Variants in GRIK5 observed in about 807,000 individuals in gnomAD.
The protein encoded by GRIK5 is glutamate receptor ionotropic, kainate 5.
In GRIK5, 43 loss-of-function variants were observed where a neutral mutation model predicts 97.4. The ratio of observed to expected loss-of-function variants is 0.44; its 90% CI spans 0.35 to 0.57. The LOEUF is 0.57. GRIK5 is among the 20% of genes least tolerant of loss of function. The probability of loss-of-function intolerance (pLI) is 0.01; values close to 1 mark genes in which losing one functional copy is unlikely to be tolerated. For synonymous variants in GRIK5, 580 were observed against 583.5 expected (o/e 0.99, Z 0.09); for missense variants, 1,015 against 1,382.0 (o/e 0.73, Z 4.21).
Position 42,022,145 on chromosome 19 carries a change from C to G in GRIK5, c.1588-89G>C. 7.2e-7 allele frequency: 1 copy of G among 1,389,292 alleles called. No individual in the cohort carries two copies. The highest frequency in any genetic ancestry group is 1.0e-6 in the Non-Finnish European group (1 of 987,476). The allele number at this position is 1,389,292 out of a possible 1,614,324, so 86.1% of individuals were successfully genotyped here. On this transcript the variant is annotated intron_variant, in intron 13 of 19. Transcript: ENST00000593562. The surrounding 1 kb of genome is among the most constrained non-coding windows in gnomAD (Gnocchi z 4.2). ...CCTACCAGGGACCTGGGAGCCTGAC[C>G]GGCCCATCTGAGGTCCTGGGGCTGT...
chr19:42,002,629 G>A lies in GRIK5; in HGVS notation c.2514+703C>T. ...GGCTGACAGAGAGAGGGGAAGCAGG[G>A]AACCAGCAGTCCAGGGGTGCAAGAG... is the stretch of plus-strand genomic sequence containing the variant. On this transcript the variant is annotated intron_variant, in intron 19 of 19. Transcript: ENST00000593562. This position sits in a 1 kb window ranked among gnomAD's most constrained non-coding sequence, Gnocchi z 5.2. 1.6e-6 allele frequency: 1 copy of A among 625,982 alleles called. No individual in the cohort carries two copies. Among genetic ancestry groups the A allele is most frequent in the Non-Finnish European group, 2.9e-6 (1 of 344,746 alleles). 38.8% of individuals were successfully genotyped at this position (625,982 alleles called of 1,614,324 possible).
At position 42,065,087 on chromosome 19, in the gene GRIK5, G is replaced by A. The variant is rs369774329; in HGVS notation, c.244+136C>T. The A allele has an allele frequency of 1.3e-6, 1 of 752,966 alleles. No homozygotes were observed. The highest frequency in any genetic ancestry group is 1.7e-5 in the African/African-American group (1 of 57,496). 46.6% of individuals were successfully genotyped at this position (752,966 alleles called of 1,614,324 possible). Reference sequence around the variant, plus strand: ...CAGCAGCAGCCATGTCTGGGAAGAAGGCAGAGACAAACACAAAGAAGGGGG... The same window carrying A: ...CAGCAGCAGCCATGTCTGGGAAGAAAGCAGAGACAAACACAAAGAAGGGGG... On this transcript the variant is annotated intron_variant, in intron 3 of 19. Transcript: ENST00000593562. This position sits in a 1 kb window ranked among gnomAD's most constrained non-coding sequence, Gnocchi z 5.8.
intron 15 of GRIK5, among the ~76,000 whole-genome samples, chr19:42,015,952 C>T (rs1033454288): frequency 6.6e-6 from 1 of 152,140 alleles, no homozygotes; most frequent in Non-Finnish European, 1.5e-5. Context: ...CAAAGCTATG[C>T]TAGGCACTGG....
At chr19:42,010,643 C>T (rs1229311150) in intron 15 of GRIK5, among the ~76,000 whole-genome samples, 1 of 152,188 alleles carries the variant, frequency 6.6e-6, no homozygotes, top group African/African-American at 2.4e-5. Flanking sequence ...TAATTGCCAG[C>T]AGACCCGCAC....
At chr19:42,008,918 C>T (rs1401499342) in intron 15 of GRIK5, among the ~76,000 whole-genome samples, 2 of 152,024 alleles carry the variant, frequency 1.3e-5, no homozygotes, top group Admixed American at 6.6e-5. Context: ...GATTAGACAC[C>T]GGCAGCAGAA....
intron 11 of GRIK5, among the ~76,000 whole-genome samples, chr19:42,052,722 C>G (rs1317248004): frequency 6.6e-6 from 1 of 152,038 alleles, no homozygotes; most frequent in Non-Finnish European, 1.5e-5. Context: ...TGTCCAGCCT[C>G]CAGGCCAGCC....
At chr19:42,016,624 T>G (rs552417857) in intron 15 of GRIK5, among the ~76,000 whole-genome samples, 1 of 152,246 alleles carries the variant, frequency 6.6e-6, no homozygotes, top group African/African-American at 2.4e-5. Flanking sequence ...CAAGGTGAGT[T>G]TGGAGATGCC....
chr19:42,069,033 T>C (rs545318506), intron 1 of GRIK5: 19 of 507,122 alleles, frequency 3.7e-5, no homozygotes, highest in African/African-American at 2.8e-4. Context: ...GGGGCGGCAG[T>C]GAGCTATGTA....
intron 11 of GRIK5, among the ~76,000 whole-genome samples, chr19:42,048,537 G>A (rs1034090611): frequency 6.6e-6 from 1 of 152,062 alleles, no homozygotes; most frequent in African/African-American, 2.4e-5. Flanking sequence ...GGAGAATGGC[G>A]TGAACCGAGG....
intron 12 of GRIK5, among the ~76,000 whole-genome samples, chr19:42,026,585 T>C (rs2075774632): frequency 6.7e-6 from 1 of 148,584 alleles, no homozygotes; most frequent in African/African-American, 2.5e-5. Context: ...ATCATTATTT[T>C]TGGAGACGGA....
chr19:42,004,011 A>T (rs533463230), intron 17 of GRIK5, among the ~76,000 whole-genome samples: 2 of 151,992 alleles, frequency 1.3e-5, no homozygotes, highest in Admixed American at 1.3e-4. Context: ...CTGCTCCCCA[A>T]ATTCATCACA....
At chr19:42,066,579 T>C (rs1011822808) in intron 1 of GRIK5, among the ~76,000 whole-genome samples, 2 of 148,260 alleles carry the variant, frequency 1.3e-5, no homozygotes, top group South Asian at 2.1e-4. Context: ...AAGGTCAAAA[T>C]AGATAGAAAT....
chr19:42,054,325 G>A lies in GRIK5; in HGVS notation c.1051C>T (p.Arg351Cys), dbSNP rs771636799. 2.5e-6 allele frequency: 4 copies of A among 1,609,396 alleles called. No individual in the cohort carries two copies. Among genetic ancestry groups the A allele is most frequent in the Non-Finnish European group, 2.5e-6 (3 of 1,177,428 alleles). ...PHGTSLMNYL[R>C]MVEYDGLTGR... ...CCATCCCCGCTCGGGCTCACCATGC[G>A]CAGGTAGTTCATGAGGCTGGTCCCG... Residue 351 changes from arginine (R) to cysteine (C), a missense_variant, in exon 9 of 20, where the codon CGC becomes TGC. Physicochemically the swap from Arg to Cys is radical, Grantham distance 180 (BLOSUM62 -3). Coordinates refer to ENST00000593562, the MANE Select transcript of GRIK5 (RefSeq NM_002088.5).
chr19:42,066,337 G>A (rs1374364011), intron 1 of GRIK5, among the ~76,000 whole-genome samples: 1 of 152,098 alleles, frequency 6.6e-6, no homozygotes, highest in African/African-American at 2.4e-5. Flanking sequence ...TGGGGAGAGA[G>A]GCCTGGACAT....
chr19:42,063,252 C>A, intron 3 of GRIK5: 1 of 462,200 alleles, frequency 2.2e-6, no homozygotes, highest in Non-Finnish European at 4.3e-6. Context: ...CAGCCCAGGT[C>A]CCCTGGAGCC....
At chr19:42,019,503 G>A (rs896215603) in intron 15 of GRIK5, among the ~76,000 whole-genome samples, 8 of 152,156 alleles carry the variant, frequency 5.3e-5, no homozygotes, top group African/African-American at 1.4e-4. Context: ...AATAGGCCCC[G>A]CCCACCAGCA....
At chr19:42,012,424 G>C (rs2075575199) in intron 15 of GRIK5, among the ~76,000 whole-genome samples, 3 of 151,978 alleles carry the variant, frequency 2.0e-5, no homozygotes, top group South Asian at 2.1e-4. Context: ...CTAATTTTTT[G>C]TATTTTAGTA....
At chr19:42,051,307 C>T (rs539215665) in intron 11 of GRIK5, among the ~76,000 whole-genome samples, 25 of 152,266 alleles carry the variant, frequency 1.6e-4, no homozygotes, top group African/African-American at 5.5e-4. Context: ...CCTGTCTCAG[C>T]ACAAGATCCC....
rs566882001 is a variant in GRIK5 at position 42,002,590 on chromosome 19, G to T, written c.2514+742C>A. The T allele has an allele frequency of 2.7e-4, 172 of 643,648 alleles. No homozygotes were observed. The African/African-American group carries it at 2.9e-3, about 11-fold the overall frequency. 39.9% of individuals were successfully genotyped at this position (643,648 alleles called of 1,614,324 possible). A position where few individuals can be genotyped will look rare whatever the true frequency, so the allele number is the denominator to read the frequency against. On this transcript the variant is annotated intron_variant, in intron 19 of 19. Transcript: ENST00000593562. This position sits in a 1 kb window ranked among gnomAD's most constrained non-coding sequence, Gnocchi z 5.2. ...GTCAGCCGCTGGATGTGAGGAGGGG[G>T]AGGAAGGGCTGGAGGCTGACAGAGA... is the stretch of plus-strand genomic sequence containing the variant.
Sources: allele counts gnomAD v4.1 joint callset (sites outside exome capture counted in the v4.1 genomes callset), GRCh38; gene constraint gnomAD v4.1.1; non-coding constraint Gnocchi (gnomAD v3.1); transcripts MANE v1.5; gene names NCBI Gene and HGNC (gene_info 2026-07-23, HGNC 2026-07-21).